Variants in TPCN2 observed in about 807,000 individuals in gnomAD.
TPCN2 encodes two pore channel protein 2.
In TPCN2, 92 loss-of-function variants were observed where a neutral mutation model predicts 111.4. The ratio of observed to expected loss-of-function variants is 0.83; its 90% CI spans 0.70 to 0.98. The LOEUF is 0.98. Among genes scored for constraint, TPCN2 ranks in the 50% least tolerant of loss-of-function variants. The probability of loss-of-function intolerance (pLI) is 0.00; values close to 1 mark genes in which losing one functional copy is unlikely to be tolerated. For synonymous variants in TPCN2, 405 were observed against 414.5 expected, an observed-to-expected ratio of 0.98 and a Z score of 0.28; for missense variants, 995 against 980.1, an observed-to-expected ratio of 1.02 and a Z score of -0.20.
chr11:69,061,113 TGA>T (rs1174160680), intron 5 of TPCN2, among the ~76,000 whole-genome samples: 1 of 151,876 alleles, frequency 6.6e-6, no homozygotes, highest in Non-Finnish European at 1.5e-5. Context: ...CCTTCTGGAG[TGA>T]GAGAGAGACT....
Position 69,087,137 on chromosome 11 carries a change from G to T in TPCN2, c.2111G>T (p.Arg704Leu), listed in dbSNP as rs773649037. 4 of 1,613,848 alleles carry T rather than the reference G, an allele frequency of 2.5e-6. No individual in the cohort carries two copies. Among genetic ancestry groups the T allele is most frequent in the Non-Finnish European group, 3.4e-6 (4 of 1,179,852 alleles). ...LENFLHKWDP[R>L]SHLQPLAGTP... ...AACTTCCTTCACAAGTGGGACCCCC[G>T]CAGCCACCTGCAGCCCCTTGCTGGG... Residue 704 changes from arginine to leucine, a missense_variant, in exon 24 of 25, where the codon CGC (arginine) becomes CTC (leucine). Transcript: ENST00000294309.
chr11:69,087,845 C>G (rs752338892), intron 24 of TPCN2, 30 bp from the exon 25 acceptor site: 2 of 1,588,990 alleles, frequency 1.3e-6, no homozygotes, highest in Non-Finnish European at 1.7e-6. Flanking sequence ...CTTTAGAGGC[C>G]CCTGTGTGCA....
intron 12 of TPCN2, 103 bp from the exon 13 acceptor site, chr11:69,072,812 G>A (rs1855593765): frequency 2.0e-6 from 3 of 1,533,242 alleles, no homozygotes; most frequent in Middle Eastern, 4.2e-4. Context: ...GTCACCTGCA[G>A]CATTCACAGC....
intron 5 of TPCN2, among the ~76,000 whole-genome samples, chr11:69,060,005 C>T (rs375437303): frequency 5.9e-5 from 9 of 152,240 alleles, no homozygotes; most frequent in African/African-American, 1.9e-4. Context: ...ATGCCTGGTC[C>T]TGGCCAGAGA....
chr11:69,074,134 C>G (rs187288910), intron 13 of TPCN2, among the ~76,000 whole-genome samples: 1 of 152,238 alleles, frequency 6.6e-6, no homozygotes, highest in Non-Finnish European at 1.5e-5. Context: ...CTTCAGGATT[C>G]CTTGTCGGCC....
chr11:69,087,079 C>T, intron 23 of TPCN2, 33 bp from the exon 24 acceptor site: 3 of 1,589,676 alleles, frequency 1.9e-6, no homozygotes, highest in Non-Finnish European at 2.6e-6. Flanking sequence ...CATTCGGGGC[C>T]CACACTCACT....
At chr11:69,059,604 C>T (rs1249788732) in intron 5 of TPCN2, among the ~76,000 whole-genome samples, 1 of 152,260 alleles carries the variant, frequency 6.6e-6, no homozygotes, top group East Asian at 1.9e-4. Flanking sequence ...TGGGACCCTT[C>T]CTACAGCCAG....
In TPCN2 at chr11:69,078,942, G is replaced by A. The variant is rs1266962231; in HGVS notation, c.1461G>A (p.Lys487=). The part of the protein sequence containing the change: ...IVYYLLEMLL[K]VFALGLRGYL... Reference sequence around the variant, plus strand: ...ACTACCTGTTGGAGATGCTGCTCAAGGTCTTTGCCCTGGGCCTGCGAGGGT... The same window carrying A: ...ACTACCTGTTGGAGATGCTGCTCAAAGTCTTTGCCCTGGGCCTGCGAGGGT... Residue 487 remains lysine (K), a synonymous_variant, in exon 16 of 25, where the codon AAG becomes AAA. Coordinates refer to ENST00000294309, the MANE Select transcript of TPCN2 (RefSeq NM_139075.4). 1 of 1,613,968 alleles carries A rather than the reference G, an allele frequency of 6.2e-7. No individual in the cohort carries two copies. The highest frequency in any genetic ancestry group is 8.5e-7 in the Non-Finnish European group (1 of 1,180,012).
rs1854706783 is a variant in TPCN2 at position 69,055,351 on chromosome 11, A to G, written c.428A>G (p.Lys143Arg). 1 of 1,604,612 alleles carries G rather than the reference A, an allele frequency of 6.2e-7. No homozygotes were observed. Residue 143 changes from lysine (K) to arginine (R), a missense_variant and splice_region_variant, in exon 4 of 25, where the codon AAG (lysine) becomes AGG (arginine). Coordinates refer to ENST00000294309, the MANE Select transcript of TPCN2 (RefSeq NM_139075.4). ...GTCTTTGCGGCCGACCTCTCTGTGA[A>G]GGTGAGGCGGGCGCCAGGCCCTCTA... ...LLVFAADLSV[K>R]GYLFGWAHFQ...
intron 1 of TPCN2, among the ~76,000 whole-genome samples, chr11:69,051,071 G>C (rs1206952292): frequency 6.6e-6 from 1 of 152,256 alleles, no homozygotes; most frequent in Admixed American, 6.5e-5. Context: ...GCTGAGGCCT[G>C]TGCCAGGCTT....
intron 13 of TPCN2, among the ~76,000 whole-genome samples, chr11:69,074,893 G>A (rs1186200752): frequency 1.3e-5 from 2 of 152,184 alleles, no homozygotes; most frequent in Non-Finnish European, 2.9e-5. Flanking sequence ...GTTCCCTAGG[G>A]CGTGGTTGAG....
intron 9 of TPCN2, among the ~76,000 whole-genome samples, chr11:69,070,715 C>T (rs1855486739): frequency 6.7e-6 from 1 of 149,430 alleles, no homozygotes; most frequent in Non-Finnish European, 1.5e-5. Flanking sequence ...CAGGGATCTC[C>T]CGCCAACAGG....
intron 8 of TPCN2, among the ~76,000 whole-genome samples, chr11:69,069,195 CA>C: frequency 7.1e-6 from 1 of 141,094 alleles, no homozygotes; most frequent in Non-Finnish European, 1.5e-5. Flanking sequence ...TAGCAAGTGA[CA>C]CAGGGGGAGC....
intron 11 of TPCN2, 36 bp from the exon 12 acceptor site, chr11:69,072,590 TG>T (rs1288367688): frequency 6.2e-7 from 1 of 1,609,714 alleles, no homozygotes; most frequent in African/African-American, 1.3e-5. Flanking sequence ...GGAGCCGAGC[TG>T]GCTGTGCTCA....
Position 69,089,498 on chromosome 11 carries a change from T to C in TPCN2, c.*1545T>C, listed in dbSNP as rs374421951. 1 of 152,286 alleles carries C rather than the reference T, an allele frequency of 6.6e-6. No homozygotes were observed. Among genetic ancestry groups the C allele is most frequent in the Non-Finnish European group, 1.5e-5 (1 of 68,078 alleles). The allele number at this position is 152,286 out of a possible 1,614,324, so 9.4% of individuals were successfully genotyped here. ...TGGGCTTAGACGACCTTGGCACTTC[T>C]GGAGATAAGCCCATGGCTCCCAGGT... On this transcript the variant is annotated 3_prime_UTR_variant, in exon 25 of 25. Transcript: ENST00000294309.
At position 69,078,958 on chromosome 11, in the gene TPCN2, C is replaced by T. The variant is rs1855899044; in HGVS notation, c.1477C>T (p.Leu493=). 6.2e-7 allele frequency: 1 copy of T among 1,613,912 alleles called. No homozygotes were observed. Among genetic ancestry groups the T allele is most frequent in the Admixed American group, 1.7e-5 (1 of 59,982 alleles). The change falls in exon 16 of 25, where the codon CTG becomes TTG. Residue 493 remains leucine (L), a synonymous_variant. Transcript: ENST00000294309. ...EMLLKVFALG[L]RGYLSYPSNV... ...GCTGCTCAAGGTCTTTGCCCTGGGC[C>T]TGCGAGGGTACCTGTCCTACCCCAG...
At chr11:69,077,507 C>T (rs941395436) in intron 13 of TPCN2, among the ~76,000 whole-genome samples, 5 of 152,218 alleles carry the variant, frequency 3.3e-5, no homozygotes, top group African/African-American at 1.2e-4. Flanking sequence ...TGTCGGGAGC[C>T]GAGAGGAAGT....
Position 69,078,526 on chromosome 11 carries a change from C to T in TPCN2, c.1275C>T (p.Ala425=), listed in dbSNP as rs1855883828. 1.9e-6 allele frequency: 3 copies of T among 1,614,142 alleles called. No homozygotes were observed. Among genetic ancestry groups the T allele is most frequent in the Non-Finnish European group, 2.5e-6 (3 of 1,180,026 alleles). Reference sequence around the variant, plus strand: ...ACCAGTCTCCGTTTCTGCAGAGCGCCCAGTTCCTCTTCGGCCACTACTACT... The same window carrying T: ...ACCAGTCTCCGTTTCTGCAGAGCGCTCAGTTCCTCTTCGGCCACTACTACT... ...PEYQSPFLQS[A]QFLFGHYYFD... is the part of the protein sequence containing the mutation. Residue 425 remains alanine (A), a synonymous_variant, in exon 14 of 25, where the codon GCC becomes GCT. Coordinates refer to ENST00000294309, the MANE Select transcript of TPCN2 (RefSeq NM_139075.4).
intron 13 of TPCN2, among the ~76,000 whole-genome samples, chr11:69,076,352 A>G (rs1408796066): frequency 6.6e-6 from 1 of 152,178 alleles, no homozygotes; most frequent in African/African-American, 2.4e-5. Context: ...ATTCGGTGCC[A>G]GTGTGGGCAG....
Sources: allele counts gnomAD v4.1 joint callset (sites outside exome capture counted in the v4.1 genomes callset), GRCh38; gene constraint gnomAD v4.1.1; transcripts MANE v1.5; gene names NCBI Gene and HGNC (gene_info 2026-07-23, HGNC 2026-07-21).